The following SERPINA1 variants were observed in gnomAD, a reference collection of about 807,000 sequenced individuals.
SERPINA1 encodes alpha-1-antitrypsin.
In SERPINA1, 21 loss-of-function variants were observed where a neutral mutation model predicts 25.4. The observed-to-expected ratio is 0.83, with a 90% CI of 0.59 to 1.19. The LOEUF is 1.19. SERPINA1 is among the 50% of genes most tolerant of loss of function. The pLI, the probability that SERPINA1 is intolerant of heterozygous loss-of-function variation, is 0.00. For synonymous variants in SERPINA1, 218 were observed against 211.1 expected (o/e 1.03, Z -0.29); for missense variants, 546 against 509.0 (o/e 1.07, Z -0.70).
upstream of SERPINA1, among the ~76,000 whole-genome samples, chr14:94,389,244 C>T (rs185818346): frequency 6.6e-6 from 1 of 152,340 alleles, no homozygotes. Flanking sequence ...TGTGCTGCCT[C>T]AGGCAGGCCG....
chr14:94,379,810 G>A (rs575432526), intron 3 of SERPINA1, among the ~76,000 whole-genome samples, 199 bp from the exon 4 acceptor site: 3 of 151,236 alleles, frequency 2.0e-5, no homozygotes, highest in South Asian at 2.2e-4. Context: ...TGTTAACATC[G>A]AATGAATCAC....
rs915598788 is a variant in SERPINA1, at chr14:94,380,583, G to T, written c.917+288C>A. 7 of 494,354 alleles carry T rather than the reference G, an allele frequency of 1.4e-5. No individual in the cohort carries two copies. The Admixed American group carries it at 2.3e-4, about 16-fold the overall frequency. The allele number at this position is 494,354 out of a possible 1,614,324, so 30.6% of individuals were successfully genotyped here. On this transcript the variant is annotated intron_variant, in intron 3 of 4. Transcript: ENST00000393087. ...TGGTGGTGCTGCTGTCCCTGCCCTGGGCACTGGATATTGGGAAGGGACAGT... is the reference window on the plus strand; with the variant it reads ...TGGTGGTGCTGCTGTCCCTGCCCTGTGCACTGGATATTGGGAAGGGACAGT...
rs1296239055 is a variant in SERPINA1, at chr14:94,377,686, C to G, written c.*763G>C. On this transcript the variant is annotated 3_prime_UTR_variant, in exon 5 of 5. Coordinates refer to ENST00000393087, the MANE Select transcript of SERPINA1 (RefSeq NM_000295.5). ...GAGATAGAGAAAACAAAGCAGAGAC[C>G]CTCCTCTTCATCTGGGGAGAAGGGA... is the stretch of plus-strand genomic sequence containing the variant. 6.6e-6 allele frequency: 1 copy of G among 152,408 alleles called. No individual in the cohort carries two copies. The highest frequency in any genetic ancestry group is 6.5e-5 in the Admixed American group (1 of 15,278). 9.4% of individuals were successfully genotyped at this position (152,408 alleles called of 1,614,324 possible). A position where few individuals can be genotyped will look rare whatever the true frequency, so the allele number is the denominator to read the frequency against.
In SERPINA1 at chr14:94,376,961, G is replaced by A. The variant is rs1896405368; in HGVS notation, c.*1488C>T. On this transcript the variant is annotated 3_prime_UTR_variant, in exon 5 of 5. Coordinates refer to ENST00000393087, the MANE Select transcript of SERPINA1 (RefSeq NM_000295.5). The stretch of plus-strand genomic sequence containing the variant: ...ACTCTCAGGTCTGGTGTCATCCTAG[G>A]GGGCTTGGTGATGGCCATATCTTTA... 6.6e-6 allele frequency: 1 copy of A among 152,180 alleles called. No homozygotes were observed. The highest frequency in any genetic ancestry group is 2.1e-4 in the South Asian group (1 of 4,828). 9.4% of individuals were successfully genotyped at this position (152,180 alleles called of 1,614,324 possible). A position where few individuals can be genotyped will look rare whatever the true frequency, so the allele number is the denominator to read the frequency against.
At chr14:94,389,867 T>C (rs926714125), upstream of SERPINA1, 5 of 152,176 alleles carry the variant, frequency 3.3e-5, no homozygotes, top group African/African-American at 1.2e-4. Flanking sequence ...AGGCCTCAGG[T>C]GAGTTGTTTA....
At chr14:94,380,368 A>G (rs1896804369) in intron 3 of SERPINA1, among the ~76,000 whole-genome samples, 1 of 152,252 alleles carries the variant, frequency 6.6e-6, no homozygotes, top group African/African-American at 2.4e-5. Flanking sequence ...AGCACCGATA[A>G]AGTGACAGAG....
At chr14:94,381,921 G>C (rs1054016186) in intron 2 of SERPINA1, among the ~76,000 whole-genome samples, 5 of 150,838 alleles carry the variant, frequency 3.3e-5, no homozygotes, top group Non-Finnish European at 7.4e-5. Context: ...CTGTTTTCCT[G>C]GGACAGTGGG....
chr14:94,384,145 G>C (rs1466982052), intron 1 of SERPINA1: 1 of 152,194 alleles, frequency 6.6e-6, no homozygotes, highest in African/African-American at 2.4e-5. Context: ...AAAGTAGATG[G>C]AGGAGGTGGG....
At chr14:94,387,188 T>A (rs1011355333) in intron 1 of SERPINA1, among the ~76,000 whole-genome samples, 1 of 152,368 alleles carries the variant, frequency 6.6e-6, no homozygotes, top group African/African-American at 2.4e-5. Flanking sequence ...TTAAAGGCTC[T>A]GAGGCCAGAT....
rs776253560 is a variant in SERPINA1, at chr14:94,379,608, A to G, written c.921T>C (p.Ser307=). The change falls in exon 4 of 5, where the codon TCT becomes TCC. Residue 307 remains serine (S), a synonymous_variant. Coordinates refer to ENST00000393087, the MANE Select transcript of SERPINA1 (RefSeq NM_000295.5). ...TKFLENEDRR[S]ASLHLPKLSI... ...ACAGTTTGGGTAAATGTAAGCTGGC[A>G]GACCTGTCGTGCAGAAAAGAAATTC... 2 of 1,614,110 alleles carry G rather than the reference A, an allele frequency of 1.2e-6. No homozygotes were observed. Among genetic ancestry groups the G allele is most frequent in the Admixed American group, 3.3e-5 (2 of 60,012 alleles).
At position 94,377,938 on chromosome 14, in the gene SERPINA1, G is replaced by A. The variant is rs1896478099; in HGVS notation, c.*511C>T. Reference sequence around the variant, plus strand: ...GTGTTGCTGCAGATGCCACAAAACTGGGCCACGGCACGATCAGGCAGTTCT... The same window carrying A: ...GTGTTGCTGCAGATGCCACAAAACTAGGCCACGGCACGATCAGGCAGTTCT... On this transcript the variant is annotated 3_prime_UTR_variant, in exon 5 of 5. Coordinates refer to ENST00000393087, the MANE Select transcript of SERPINA1 (RefSeq NM_000295.5). 5.8e-6 allele frequency: 1 copy of A among 172,734 alleles called. No homozygotes were observed. The allele number at this position is 172,734 out of a possible 1,614,324, so 10.7% of individuals were successfully genotyped here. A position where few individuals can be genotyped will look rare whatever the true frequency, so the allele number is the denominator to read the frequency against.
intron 1 of SERPINA1, among the ~76,000 whole-genome samples, chr14:94,383,846 A>G (rs1339923890): frequency 2.6e-5 from 4 of 152,242 alleles, no homozygotes; most frequent in Non-Finnish European, 5.9e-5. Context: ...AGGGAAATGC[A>G]TCTTGCACAA....
chr14:94,384,555 C>T (rs1388992266), intron 1 of SERPINA1, among the ~76,000 whole-genome samples: 2 of 152,140 alleles, frequency 1.3e-5, no homozygotes, highest in Non-Finnish European at 2.9e-5. Context: ...TGCCCTGCCC[C>T]ACAGTGATCC....
intron 4 of SERPINA1, among the ~76,000 whole-genome samples, chr14:94,378,846 G>T (rs1041650787): frequency 6.6e-6 from 1 of 152,194 alleles, no homozygotes; most frequent in Non-Finnish European, 1.5e-5. Context: ...CCTGACAAGC[G>T]CCTCTCCCCC....
intron 2 of SERPINA1, among the ~76,000 whole-genome samples, chr14:94,382,335 G>T (rs1242854394): frequency 6.6e-6 from 1 of 152,106 alleles, no homozygotes; most frequent in East Asian, 1.9e-4. Context: ...TACATATACA[G>T]TATACACAAG....
At chr14:94,386,509 C>T (rs929521384) in intron 1 of SERPINA1, among the ~76,000 whole-genome samples, 1 of 152,180 alleles carries the variant, frequency 6.6e-6, no homozygotes, top group East Asian at 1.9e-4. Flanking sequence ...TAAATGACTT[C>T]ACTTCTTTGA....
intron 1 of SERPINA1, among the ~76,000 whole-genome samples, chr14:94,388,246 G>C (rs931881304): frequency 6.6e-6 from 1 of 152,156 alleles, no homozygotes; most frequent in African/African-American, 2.4e-5. Context: ...GCTGTATCTT[G>C]GCTGGTGTCC....
In SERPINA1 at chr14:94,379,336, C is replaced by T. The variant is rs560933385; in HGVS notation, c.1065+128G>A. 46 of 1,372,596 alleles carry T rather than the reference C, an allele frequency of 3.4e-5. 1 individual carries two copies. In the South Asian group the frequency reaches 5.3e-4, roughly 16 times the overall value. The allele number at this position is 1,372,596 out of a possible 1,614,324, so 85.0% of individuals were successfully genotyped here. ...CGTGTCAGTGAATCACGGGCATCTTCAGGAGCTCAGCCTGGGTCTTCATTT... is the reference window on the plus strand; with the variant it reads ...CGTGTCAGTGAATCACGGGCATCTTTAGGAGCTCAGCCTGGGTCTTCATTT... On this transcript the variant is annotated intron_variant, in intron 4 of 4. Coordinates refer to ENST00000393087, the MANE Select transcript of SERPINA1 (RefSeq NM_000295.5).
In SERPINA1 at chr14:94,379,080, A is replaced by C. The variant is rs1021376427; in HGVS notation, c.1065+384T>G. The C allele has an allele frequency of 1.4e-5, 8 of 555,442 alleles. No individual in the cohort carries two copies. In the African/African-American group the frequency reaches 1.5e-4, roughly 10 times the overall value. 34.4% of individuals were successfully genotyped at this position (555,442 alleles called of 1,614,324 possible). ...CCAAAATAAGTGTCATCTTTAGCTG[A>C]AATCATTCATTAATTCAGACACCAA... On this transcript the variant is annotated intron_variant, in intron 4 of 4. Coordinates refer to ENST00000393087, the MANE Select transcript of SERPINA1 (RefSeq NM_000295.5).
Sources: gnomAD v4.1 joint callset for allele counts (sites outside exome capture counted in the v4.1 genomes callset) on GRCh38, gnomAD v4.1.1 for gene constraint, MANE v1.5 for transcripts, NCBI Gene and HGNC (gene_info 2026-07-23, HGNC 2026-07-21) for gene names.